The following PLXDC2 variants were observed in gnomAD, a reference collection of about 807,000 sequenced individuals.
The protein encoded by PLXDC2 is plexin domain containing 2.
Under a neutral mutation model 68.9 loss-of-function variants are expected in PLXDC2, and 40 were observed. That is an observed-to-expected ratio of 0.58 (90% CI 0.45 to 0.76). The LOEUF is 0.76. PLXDC2 is among the 30% of genes least tolerant of loss of function. PLXDC2 has a pLI of 0.00. For missense variants in PLXDC2, 644 were observed against 661.9 expected (o/e 0.97, Z 0.30); for synonymous variants, 243 against 234.2 (o/e 1.04, Z -0.34).
intron 1 of PLXDC2, among the ~76,000 whole-genome samples, chr10:19,888,899 G>C: frequency 6.6e-6 from 1 of 152,106 alleles, no homozygotes; most frequent in Middle Eastern, 3.2e-3. Flanking sequence ...TTTTGACAAT[G>C]CCAACCAGTA....
chr10:19,938,122 A>C (rs753899722), intron 1 of PLXDC2, among the ~76,000 whole-genome samples: 1 of 152,140 alleles, frequency 6.6e-6, no homozygotes, highest in Non-Finnish European at 1.5e-5. Flanking sequence ...TATACATTAC[A>C]TACAGGAAAT....
At chr10:19,940,593 C>G (rs1408543937) in intron 1 of PLXDC2, among the ~76,000 whole-genome samples, 2 of 150,120 alleles carry the variant, frequency 1.3e-5, no homozygotes, top group Non-Finnish European at 3.0e-5. Flanking sequence ...TCAACCATTT[C>G]TAAAACAACT....
chr10:20,182,383 C>G (rs1298575081), intron 9 of PLXDC2, among the ~76,000 whole-genome samples: 2 of 151,962 alleles, frequency 1.3e-5, no homozygotes, highest in Non-Finnish European at 2.9e-5. Context: ...CTTTCTTTCA[C>G]TCAACGTAAC....
chr10:20,063,563 A>T (rs1279981764), intron 3 of PLXDC2, among the ~76,000 whole-genome samples: 1 of 151,584 alleles, frequency 6.6e-6, no homozygotes, highest in African/African-American at 2.4e-5. Flanking sequence ...AATTGGGTAT[A>T]TTTAGGATTA....
At chr10:19,818,890 C>T (rs1465477411) in intron 1 of PLXDC2, among the ~76,000 whole-genome samples, 1 of 151,954 alleles carries the variant, frequency 6.6e-6, no homozygotes, top group Non-Finnish European at 1.5e-5. Flanking sequence ...AATGTGCATC[C>T]CAAGTTGTTT....
intron 1 of PLXDC2, among the ~76,000 whole-genome samples, chr10:19,977,383 T>A (rs1235566731): frequency 6.6e-6 from 1 of 152,212 alleles, no homozygotes; most frequent in Non-Finnish European, 1.5e-5. Context: ...AACATTGCCC[T>A]GGAGAACAAT....
At chr10:19,899,989 C>G (rs990329938) in intron 1 of PLXDC2, among the ~76,000 whole-genome samples, 1 of 152,158 alleles carries the variant, frequency 6.6e-6, no homozygotes, top group African/African-American at 2.4e-5. Flanking sequence ...AGATACATCA[C>G]AAATGAGAAA....
chr10:20,236,637 TG>T (rs1224012026), intron 12 of PLXDC2, among the ~76,000 whole-genome samples: 1 of 152,150 alleles, frequency 6.6e-6, no homozygotes, highest in East Asian at 1.9e-4. Flanking sequence ...AAAATGATAA[TG>T]GGTTTTCCAA....
In PLXDC2 at chr10:20,149,229, C is replaced by CCTTTTT. The variant is rs1834120053; in HGVS notation, c.783+1327_783+1328insCTTTTT. Among the ~76,000 whole-genome samples, 18 of 34,924 alleles carry CCTTTTT rather than the reference C, an allele frequency of 5.2e-4. 1 individual carries two copies. Among genetic ancestry groups the CCTTTTT allele is most frequent in the African/African-American group, 2.0e-3 (17 of 8,418 alleles). 22.9% of individuals were successfully genotyped at this position (34,924 alleles called of 152,430 possible). On this transcript the variant is annotated intron_variant, in intron 6 of 13. Transcript: ENST00000377252. ...ATTTTTCTTTCTTTTTTTTTCTTTT[C>CCTTTTT]TTTTTTTTTTTTTTTTTTTTTTTTT...
intron 1 of PLXDC2, among the ~76,000 whole-genome samples, chr10:19,834,354 A>AGAGTGT (rs376125037): frequency 4.7e-5 from 7 of 147,668 alleles, no homozygotes; most frequent in African/African-American, 1.0e-4. Flanking sequence ...AGAGAGAGAG[A>AGAGTGT]GTGTGTGTGT....
chr10:19,858,570 G>T (rs922317734), intron 1 of PLXDC2, among the ~76,000 whole-genome samples: 1 of 152,164 alleles, frequency 6.6e-6, no homozygotes, highest in African/African-American at 2.4e-5. Context: ...TAATAGAAAT[G>T]AATTAGTTTA....
chr10:20,050,243 C>G (rs368937444), intron 3 of PLXDC2, among the ~76,000 whole-genome samples: 1 of 151,900 alleles, frequency 6.6e-6, no homozygotes, highest in South Asian at 2.1e-4. Context: ...ATGTAAAACT[C>G]AAAACTATAC....
At chr10:20,006,065 C>G (rs1589581703) in intron 2 of PLXDC2, among the ~76,000 whole-genome samples, 1 of 151,948 alleles carries the variant, frequency 6.6e-6, no homozygotes, top group Non-Finnish European at 1.5e-5. Context: ...TCTGTAATCC[C>G]AGCTACTCAG....
intron 3 of PLXDC2, among the ~76,000 whole-genome samples, chr10:20,061,665 T>C (rs954305004): frequency 1.3e-5 from 2 of 152,236 alleles, no homozygotes; most frequent in Admixed American, 1.3e-4. Context: ...TAGCGTTCAC[T>C]CTTGCTAACT....
At chr10:20,270,358 A>C (rs775178411) in intron 13 of PLXDC2, among the ~76,000 whole-genome samples, 1 of 152,182 alleles carries the variant, frequency 6.6e-6, no homozygotes, top group Non-Finnish European at 1.5e-5. Context: ...TAGAATTGTT[A>C]GATCCCTGTT....
intron 2 of PLXDC2, among the ~76,000 whole-genome samples, chr10:20,039,449 T>A (rs1273767268): frequency 1.3e-5 from 2 of 152,192 alleles, no homozygotes; most frequent in Admixed American, 1.3e-4. Flanking sequence ...TAATGGAAAT[T>A]TATATATCAG....
At chr10:20,249,699 G>A (rs961308042) in intron 13 of PLXDC2, among the ~76,000 whole-genome samples, 1 of 152,048 alleles carries the variant, frequency 6.6e-6, no homozygotes, top group African/African-American at 2.4e-5. Context: ...CCTTTTTACC[G>A]TGTAAGGTAA....
chr10:20,265,954 A>G (rs972615301), intron 13 of PLXDC2, among the ~76,000 whole-genome samples: 1 of 152,100 alleles, frequency 6.6e-6, no homozygotes, highest in Non-Finnish European at 1.5e-5. Context: ...AAAAGTCAAG[A>G]TGGAAGAACT....
At chr10:20,213,571 A>G (rs1210886842) in intron 10 of PLXDC2, among the ~76,000 whole-genome samples, 1 of 152,142 alleles carries the variant, frequency 6.6e-6, no homozygotes, top group Non-Finnish European at 1.5e-5. Context: ...CTATCAATAC[A>G]TCTTACTAAC....
Sources: gnomAD v4.1 joint callset for allele counts (sites outside exome capture counted in the v4.1 genomes callset) on GRCh38, gnomAD v4.1.1 for gene constraint, MANE v1.5 for transcripts, NCBI Gene and HGNC (gene_info 2026-07-23, HGNC 2026-07-21) for gene names.